The following SH3RF3 variants were observed in gnomAD, a reference collection of about 807,000 sequenced individuals.
SH3RF3 encodes E3 ubiquitin-protein ligase SH3RF3.
In SH3RF3, 29 loss-of-function variants were observed where a neutral mutation model predicts 66.3. That is an observed-to-expected ratio of 0.44 (90% CI 0.33 to 0.60). SH3RF3 has a LOEUF of 0.60. SH3RF3 is among the 20% of genes least tolerant of loss of function. The probability of loss-of-function intolerance (pLI) is 0.04; values close to 1 mark genes in which losing one functional copy is unlikely to be tolerated. For synonymous variants in SH3RF3, 583 were observed against 532.0 expected (o/e 1.10, Z -1.32); for missense variants, 1,194 against 1,190.9 (o/e 1.00, Z -0.04).
In SH3RF3 at chr2:109,338,650, C is replaced by T. The variant is rs138207333; in HGVS notation, c.574-9024C>T. Among the ~76,000 whole-genome samples the T allele has an allele frequency of 7.9e-3, 1,207 of 152,222 alleles. 14 individuals are homozygous for T. Among genetic ancestry groups the T allele is most frequent in the African/African-American group, 0.028 (1,149 of 41,514 alleles). ...TTGGCTCACTGCAACCTCTGCCTCC[C>T]GAGTTCAGGCAGTTCTCCTGCCTCA... On this transcript the variant is annotated intron_variant, in intron 1 of 9. Coordinates refer to ENST00000309415, the MANE Select transcript of SH3RF3 (RefSeq NM_001099289.3).
intron 1 of SH3RF3, 139 bp downstream of exon 1, chr2:109,130,252 C>A: frequency 2.3e-6 from 2 of 853,152 alleles, no homozygotes; most frequent in East Asian, 3.4e-5. Context: ...GCTCTTCCTC[C>A]AACTTCGCTT....
chr2:109,280,758 G>A (rs969434833), intron 1 of SH3RF3, among the ~76,000 whole-genome samples: 5 of 152,240 alleles, frequency 3.3e-5, no homozygotes, highest in African/African-American at 1.2e-4. Context: ...CTGTGAGCAT[G>A]AGCCTCGAGG....
chr2:109,261,697 A>T (rs182058621), intron 1 of SH3RF3, among the ~76,000 whole-genome samples: 1 of 152,194 alleles, frequency 6.6e-6, no homozygotes, highest in East Asian at 1.9e-4. Context: ...ACTCTTATTG[A>T]ATTGGGTGTG....
intron 3 of SH3RF3, among the ~76,000 whole-genome samples, chr2:109,384,744 C>T (rs73955567): frequency 2.0e-5 from 3 of 152,070 alleles, no homozygotes; most frequent in Non-Finnish European, 4.4e-5. Context: ...GTGGAGGGAG[C>T]CTTCTAGACT....
intron 3 of SH3RF3, among the ~76,000 whole-genome samples, chr2:109,377,401 A>T (rs1321424510): frequency 9.2e-5 from 14 of 152,286 alleles, no homozygotes; most frequent in Non-Finnish European, 1.6e-4. Context: ...GAAAAAGGCC[A>T]TAGCGTCAGT....
At chr2:109,464,588 A>G (rs1303896342) in intron 8 of SH3RF3, among the ~76,000 whole-genome samples, 1 of 152,094 alleles carries the variant, frequency 6.6e-6, no homozygotes, top group Admixed American at 6.5e-5. Flanking sequence ...CTCACAATCG[A>G]TTTCCTCTTC....
intron 1 of SH3RF3, among the ~76,000 whole-genome samples, chr2:109,257,386 A>AAGGGAAGGAGGGAGAGGAAGGGAAGG (rs1680245697): frequency 6.7e-6 from 1 of 149,792 alleles, no homozygotes; most frequent in Non-Finnish European, 1.5e-5. Context: ...GAGGGAGAGG[A>AAGGGAAGGAGGGAGAGGAAGGGAAGG]AGGGAAGGAG....
At chr2:109,196,822 G>T (rs892577040) in intron 1 of SH3RF3, among the ~76,000 whole-genome samples, 1 of 152,132 alleles carries the variant, frequency 6.6e-6, no homozygotes, top group African/African-American at 2.4e-5. Context: ...TGACTCTTTG[G>T]GGCACAACTC....
At chr2:109,152,608 T>C (rs1677249263) in intron 1 of SH3RF3, among the ~76,000 whole-genome samples, 1 of 152,268 alleles carries the variant, frequency 6.6e-6, no homozygotes, top group Non-Finnish European at 1.5e-5. Flanking sequence ...GATTTATATT[T>C]AAAGCTGTGG....
chr2:109,429,186 T>C (rs986994291), intron 5 of SH3RF3, among the ~76,000 whole-genome samples: 3 of 151,994 alleles, frequency 2.0e-5, no homozygotes, highest in Non-Finnish European at 4.4e-5. Flanking sequence ...TCCTCTTGAG[T>C]ACCTCAGAGA....
intron 3 of SH3RF3, among the ~76,000 whole-genome samples, chr2:109,388,250 C>T (rs1675877021): frequency 6.6e-6 from 1 of 152,230 alleles, no homozygotes; most frequent in East Asian, 1.9e-4. Context: ...CTCAGCCAAG[C>T]CTTTCTCTAG....
intron 2 of SH3RF3, among the ~76,000 whole-genome samples, chr2:109,349,993 GAGACAGGCCAGTGGAGAATGTGCAGA>G (rs1682805929): frequency 6.6e-6 from 1 of 152,222 alleles, no homozygotes; most frequent in Admixed American, 6.5e-5. Context: ...TCAGGTGCGG[GAGACAGGCCAGTGGAGAATGTGCAGA>G]AGACAGGCCA....
chr2:109,277,838 C>A (rs897253485), intron 1 of SH3RF3, among the ~76,000 whole-genome samples: 2 of 152,088 alleles, frequency 1.3e-5, no homozygotes, highest in African/African-American at 4.8e-5. Context: ...AAACAGTGGC[C>A]AGGTAGACTT....
At chr2:109,288,726 G>C (rs762293320) in intron 1 of SH3RF3, among the ~76,000 whole-genome samples, 3 of 152,182 alleles carry the variant, frequency 2.0e-5, no homozygotes, top group Non-Finnish European at 4.4e-5. Flanking sequence ...CCTGTCTTAG[G>C]AACATGGGTA....
At position 109,503,388 on chromosome 2, in the gene SH3RF3, A is replaced by C. The variant is rs998958284; in HGVS notation, c.*1717A>C. 3 of 152,148 alleles carry C rather than the reference A, an allele frequency of 2.0e-5. No homozygotes were observed. Among genetic ancestry groups the C allele is most frequent in the African/African-American group, 7.2e-5 (3 of 41,410 alleles). The allele number at this position is 152,148 out of a possible 1,614,324, so 9.4% of individuals were successfully genotyped here. A position where few individuals can be genotyped will look rare whatever the true frequency, so the allele number is the denominator to read the frequency against. On this transcript the variant is annotated 3_prime_UTR_variant, in exon 10 of 10. Coordinates refer to ENST00000309415, the MANE Select transcript of SH3RF3 (RefSeq NM_001099289.3). Reference sequence around the variant, plus strand: ...TTCAGAGTTCCTGTTTTGGGACGTGACTTGGCTACTTGTTACTTCCAGGTG... The same window carrying C: ...TTCAGAGTTCCTGTTTTGGGACGTGCCTTGGCTACTTGTTACTTCCAGGTG...
chr2:109,375,285 G>A (rs112689606), intron 3 of SH3RF3, among the ~76,000 whole-genome samples: 2,943 of 152,254 alleles, frequency 0.019, 95 homozygotes, highest in African/African-American at 0.061. Context: ...TGTCCTTTTC[G>A]CCCATCGTTT....
chr2:109,436,923 G>A lies in SH3RF3; in HGVS notation c.1605G>A (p.Arg535=), dbSNP rs1253539353. ...RVPAGGAGPP[R]NNVVGGSPLA... is the part of the protein sequence containing the mutation. ...CTGCAGGAGGGGCAGGGCCGCCCCG[G>A]AATAATGTAGTCGGAGGGTCTCCAC... Residue 535 remains arginine (R), a synonymous_variant, in exon 7 of 10, where the codon CGG becomes CGA. Transcript: ENST00000309415. 6.2e-7 allele frequency: 1 copy of A among 1,613,662 alleles called. No homozygotes were observed.
intron 1 of SH3RF3, among the ~76,000 whole-genome samples, chr2:109,238,037 C>A (rs1018000186): frequency 6.6e-6 from 1 of 152,110 alleles, no homozygotes; most frequent in South Asian, 2.1e-4. Context: ...GAGGCCCCAT[C>A]TCTACAAAAT....
At chr2:109,488,294 T>C (rs933809096) in intron 8 of SH3RF3, among the ~76,000 whole-genome samples, 1 of 152,190 alleles carries the variant, frequency 6.6e-6, no homozygotes, top group Non-Finnish European at 1.5e-5. Context: ...GCCCACCAGA[T>C]GCCAGCAGCA....
Sources: gnomAD v4.1 joint callset for allele counts (sites outside exome capture counted in the v4.1 genomes callset) on GRCh38, gnomAD v4.1.1 for gene constraint, MANE v1.5 for transcripts, NCBI Gene and HGNC (gene_info 2026-07-23, HGNC 2026-07-21) for gene names.